GSE1: variants seen among roughly 807,000 people sequenced by gnomAD.
The protein encoded by GSE1 is Gse1 coiled-coil protein.
A neutral mutation model predicts 112.6 loss-of-function variants in GSE1; 32 were observed. That is an observed-to-expected ratio of 0.28 (90% CI 0.21 to 0.38). The LOEUF is 0.38. Ranked by LOEUF, GSE1 falls within the 10% of genes least tolerant of loss-of-function variation. GSE1 has a pLI of 1.00. For synonymous variants in GSE1, 1,115 were observed against 735.6 expected (o/e 1.52, Z -8.35); for missense variants, 2,348 against 1,699.2 (o/e 1.38, Z -6.71).
upstream of GSE1, chr16:85,555,933 C>T: frequency 5.1e-6 from 5 of 979,926 alleles, no homozygotes; most frequent in Non-Finnish European, 6.1e-6. Context: ...CCGCCTGCTT[C>T]CCTCCGCCGC....
At chr16:85,445,869 C>A (rs990458271) in intron 2 of GSE1, among the ~76,000 whole-genome samples, 1 of 152,208 alleles carries the variant, frequency 6.6e-6, no homozygotes, top group African/African-American at 2.4e-5. Context: ...GAGTTCACAT[C>A]CCGGCACTGT....
chr16:85,279,230 C>T (rs1006619199), intron 1 of GSE1, among the ~76,000 whole-genome samples: 3 of 152,160 alleles, frequency 2.0e-5, no homozygotes, highest in African/African-American at 4.8e-5. Flanking sequence ...AGGGAGAAAG[C>T]GTATTTTCCT....
intron 1 of GSE1, among the ~76,000 whole-genome samples, chr16:85,584,978 C>T (rs770084535): frequency 1.3e-4 from 20 of 151,972 alleles, no homozygotes; most frequent in Non-Finnish European, 2.2e-4. Context: ...TAATGGGATG[C>T]GCCAGAGATG....
intron 1 of GSE1, among the ~76,000 whole-genome samples, chr16:85,322,336 C>T (rs1319889559): frequency 6.6e-6 from 1 of 152,146 alleles, no homozygotes; most frequent in East Asian, 1.9e-4. Flanking sequence ...AGGGGAGCAG[C>T]CCACCCAGAG....
intron 1 of GSE1, among the ~76,000 whole-genome samples, chr16:85,325,446 T>TA (rs5818527): frequency 0.034 from 5,111 of 148,966 alleles, 294 homozygotes; most frequent in African/African-American, 0.12. Context: ...TATTTTTCAG[T>TA]AAAAAAAAAA....
At chr16:85,474,509 C>T (rs572910271) in intron 2 of GSE1, among the ~76,000 whole-genome samples, 1 of 152,108 alleles carries the variant, frequency 6.6e-6, no homozygotes, top group African/African-American at 2.4e-5. Context: ...CTCTGCGGCA[C>T]TTCCCACAAT....
At position 85,672,731 on chromosome 16, in the gene GSE1, T is replaced by C. The variant is rs190776436; in HGVS notation, c.*192T>C. 1.5e-3 allele frequency: 616 copies of C among 421,088 alleles called. 1 individual carries two copies. Among genetic ancestry groups the C allele is most frequent in the Non-Finnish European group, 1.6e-3 (389 of 239,190 alleles). The allele number at this position is 421,088 out of a possible 1,614,324, so 26.1% of individuals were successfully genotyped here. On this transcript the variant is annotated 3_prime_UTR_variant, in exon 16 of 16. Coordinates refer to ENST00000253458, the MANE Select transcript of GSE1 (RefSeq NM_014615.5). ...TGACGTCAATGCAATTGAATCACCG[T>C]TGTCATTCAGCGAGCAACCAATGTA... is the stretch of plus-strand genomic sequence containing the variant.
intron 2 of GSE1, among the ~76,000 whole-genome samples, chr16:85,644,344 A>C (rs1168049608): frequency 2.3e-5 from 1 of 44,250 alleles, no homozygotes; most frequent in African/African-American, 1.3e-4. Flanking sequence ...ATCCTGTCTC[A>C]AAAAAAAAAA....
At chr16:85,668,005 C>T (rs923617019) in intron 13 of GSE1, 135 bp from the exon 14 acceptor site, 23 of 682,686 alleles carry the variant, frequency 3.4e-5, no homozygotes, top group South Asian at 8.1e-5. Context: ...CTCCTCTCTA[C>T]GCGATGTCAT....
intron 2 of GSE1, among the ~76,000 whole-genome samples, chr16:85,643,676 G>A (rs569887324): frequency 5.9e-5 from 9 of 152,328 alleles, no homozygotes; most frequent in Non-Finnish European, 7.3e-5. Flanking sequence ...TATGGCATGG[G>A]CTATAAGGTT....
chr16:85,606,409 A>T (rs1598354500), upstream of GSE1, among the ~76,000 whole-genome samples: 1 of 152,226 alleles, frequency 6.6e-6, no homozygotes, highest in South Asian at 2.1e-4. Context: ...GCCAGCCTGC[A>T]GGGCCCTGAA....
chr16:85,170,553 C>T (rs1346258506), exon 1 of GSE1: 1 of 985,764 alleles, frequency 1.0e-6, no homozygotes, highest in South Asian at 4.7e-5. Flanking sequence ...GCGTCTGCAA[C>T]CCCAAAGAGA....
Position 85,213,457 on chromosome 16 carries a change from A to T in GSE1, c.2283+41650A>T, listed in dbSNP as rs137862857. The stretch of plus-strand genomic sequence containing the variant: ...GACAAAGTGAAACGCTGTCTCTAAA[A>T]ATTAAAGAACAGCCCCTCACCCCCT... On this transcript the variant is annotated intron_variant, in intron 1 of 2. Transcript: ENST00000637419. Among the ~76,000 whole-genome samples the T allele has an allele frequency of 2.7e-3, 414 of 152,254 alleles. 6 individuals are homozygous for T. Among genetic ancestry groups the T allele is most frequent in the East Asian group, 0.016 (85 of 5,170 alleles).
At chr16:85,279,431 A>G (rs1340746130) in intron 1 of GSE1, among the ~76,000 whole-genome samples, 1 of 152,116 alleles carries the variant, frequency 6.6e-6, no homozygotes, top group South Asian at 2.1e-4. Flanking sequence ...TTATAGCAAG[A>G]CCCTGTCTCT....
In GSE1 at chr16:85,655,890, A is replaced by T; in HGVS notation, c.962A>T (p.Glu321Val). 6.2e-7 allele frequency: 1 copy of T among 1,606,072 alleles called. No individual in the cohort carries two copies. The highest frequency in any genetic ancestry group is 1.1e-5 in the South Asian group (1 of 91,044). Residue 321 changes from glutamate to valine, a missense_variant, in exon 6 of 16, where the codon GAG becomes GTG. By Grantham distance (121) the Glu-to-Val change is moderately radical (BLOSUM62 -2). Transcript: ENST00000253458. ...TCATCCCTGGCAGCGCTGCACTCGG[A>T]GCGCATGTCTGGCCTCAGCGCGGAG... Reference protein sequence around the residue: ...SHSSLAALHSERMSGLSAERL... With the variant: ...SHSSLAALHSVRMSGLSAERL...
chr16:85,640,969 C>T (rs549870218), intron 2 of GSE1, among the ~76,000 whole-genome samples: 1 of 152,226 alleles, frequency 6.6e-6, no homozygotes, highest in Non-Finnish European at 1.5e-5. Context: ...GAGAGGACCC[C>T]ACCACCTATC....
At chr16:85,308,417 CA>C (rs1237864214) in intron 1 of GSE1, among the ~76,000 whole-genome samples, 1 of 152,140 alleles carries the variant, frequency 6.6e-6, no homozygotes, top group African/African-American at 2.4e-5. Flanking sequence ...TGGAGCCTGG[CA>C]ATCCTCGAAC....
At chr16:85,353,903 A>G (rs963566919) in intron 1 of GSE1, among the ~76,000 whole-genome samples, 23 of 152,182 alleles carry the variant, frequency 1.5e-4, no homozygotes, top group African/African-American at 5.1e-4. Flanking sequence ...GAAGAGCAGG[A>G]GCCCGTCCAA....
In GSE1 at chr16:85,470,372, G is replaced by A. The variant is rs534039395; in HGVS notation, c.2464+112729G>A. Among the ~76,000 whole-genome samples the A allele has an allele frequency of 2.0e-5, 3 of 152,300 alleles. No homozygotes were observed. The East Asian group carries it at 5.8e-4, about 29-fold the overall frequency. ...CTCAGCACACCACTGGGCAGAGCTG[G>A]GGCTCAGGCCTGGAGAAGTCAGGAC... On this transcript the variant is annotated intron_variant, in intron 2 of 2. Transcript: ENST00000637419.
Sources: gnomAD v4.1 joint callset for allele counts (sites outside exome capture counted in the v4.1 genomes callset) on GRCh38, gnomAD v4.1.1 for gene constraint, MANE v1.5 for transcripts, NCBI Gene and HGNC (gene_info 2026-07-23, HGNC 2026-07-21) for gene names.